CSMD1: variants seen among roughly 807,000 people sequenced by gnomAD.
The protein encoded by CSMD1 is CUB and sushi domain-containing protein 1.
A neutral mutation model predicts 417.5 loss-of-function variants in CSMD1; 213 were observed. The observed-to-expected ratio is 0.51, with a 90% CI of 0.46 to 0.57. The LOEUF (loss-of-function observed/expected upper bound fraction) is 0.57. CSMD1 is among the 20% of genes least tolerant of loss of function. The pLI, the probability that CSMD1 is intolerant of heterozygous loss-of-function variation, is 0.00. For synonymous variants in CSMD1, 2,862 were observed against 1,736.8 expected, an observed-to-expected ratio of 1.65 and a Z score of -16.11; for missense variants, 6,923 against 4,529.7, an observed-to-expected ratio of 1.53 and a Z score of -15.17.
At chr8:3,337,673 G>C (rs1315077824) in intron 23 of CSMD1, among the ~76,000 whole-genome samples, 1 of 152,136 alleles carries the variant, frequency 6.6e-6, no homozygotes, top group Non-Finnish European at 1.5e-5. Context: ...ATGATTCAAA[G>C]ACCAGTCTTG....
At chr8:4,214,865 C>A (rs142327421) in intron 3 of CSMD1, among the ~76,000 whole-genome samples, 1 of 151,400 alleles carries the variant, frequency 6.6e-6, no homozygotes, top group African/African-American at 2.4e-5. Context: ...GTTTAGATAG[C>A]GTTTTTTTAA....
At chr8:3,748,050 T>C (rs759686471) in intron 6 of CSMD1, among the ~76,000 whole-genome samples, 2 of 152,146 alleles carry the variant, frequency 1.3e-5, no homozygotes, top group South Asian at 2.1e-4. Context: ...GAAGGGGTAC[T>C]GGCTAATCGT....
At chr8:3,363,248 C>A (rs1039888530) in intron 20 of CSMD1, among the ~76,000 whole-genome samples, 11 of 152,182 alleles carry the variant, frequency 7.2e-5, no homozygotes, top group African/African-American at 2.4e-4. Flanking sequence ...GTACTCTCCT[C>A]TGTCCCAGGT....
chr8:4,323,359 T>C (rs190861342), intron 3 of CSMD1, among the ~76,000 whole-genome samples: 83 of 152,302 alleles, frequency 5.4e-4, no homozygotes, highest in African/African-American at 1.9e-3. Context: ...AAATATAAAC[T>C]TATGTTCTTT....
In CSMD1 at chr8:3,111,805, A is replaced by G. The variant is rs140637287; in HGVS notation, c.6431-1470T>C. Among the ~76,000 whole-genome samples, 817 of 152,146 alleles carry G rather than the reference A, an allele frequency of 5.4e-3. 7 individuals carry two copies. The highest frequency in any genetic ancestry group is 0.019 in the African/African-American group (799 of 41,518). ...CGAGATTGTGCCATTGCACTCCAGCATGGGTGACAGAGTCTCTGTCTCTAA... is the reference window on the plus strand; with the variant it reads ...CGAGATTGTGCCATTGCACTCCAGCGTGGGTGACAGAGTCTCTGTCTCTAA... On this transcript the variant is annotated intron_variant, in intron 42 of 69. Transcript: ENST00000635120.
chr8:3,615,057 C>T (rs116168758), intron 8 of CSMD1, among the ~76,000 whole-genome samples: 3,042 of 152,236 alleles, frequency 0.02, 92 homozygotes, highest in African/African-American at 0.069. Flanking sequence ...AGATAAAATT[C>T]CTGAATGACT....
At chr8:4,191,176 C>A (rs1027451142) in intron 3 of CSMD1, among the ~76,000 whole-genome samples, 3 of 152,126 alleles carry the variant, frequency 2.0e-5, no homozygotes, top group African/African-American at 7.2e-5. Flanking sequence ...GCAGGTGGAT[C>A]ACGACGTCAG....
At position 3,677,825 on chromosome 8, in the gene CSMD1, A is replaced by G. The variant is rs879916100; in HGVS notation, c.1009+30589T>C. Among the ~76,000 whole-genome samples the G allele has an allele frequency of 1.9e-4, 29 of 152,192 alleles. 1 individual carries two copies. Among genetic ancestry groups the G allele is most frequent in the Admixed American group, 1.8e-3 (28 of 15,266 alleles). On this transcript the variant is annotated intron_variant, in intron 7 of 69. Coordinates refer to ENST00000635120, the MANE Select transcript of CSMD1 (RefSeq NM_033225.6). ...ACCAGTAGATGACATAAAACTGCAT[A>G]TTTCAATAACATTCTTTAACTCTAA...
chr8:4,365,130 G>A (rs1229215922), intron 3 of CSMD1, among the ~76,000 whole-genome samples: 6 of 152,132 alleles, frequency 3.9e-5, no homozygotes, highest in African/African-American at 1.4e-4. Flanking sequence ...GACATATAGT[G>A]AACTAATATA....
chr8:2,973,374 A>G (rs952093368), intron 56 of CSMD1, 75 bp from the exon 57 acceptor site: 26 of 1,422,830 alleles, frequency 1.8e-5, no homozygotes, highest in Non-Finnish European at 2.5e-5. Flanking sequence ...ACACTTAAAG[A>G]TAATGAAAAG....
chr8:3,092,330 A>G (rs1406951541), intron 47 of CSMD1, among the ~76,000 whole-genome samples: 3 of 152,224 alleles, frequency 2.0e-5, no homozygotes, highest in African/African-American at 2.4e-5. Context: ...ATATATATTT[A>G]GAGATAAATA....
Position 3,720,902 on chromosome 8 carries a change from G to A in CSMD1, c.932-12411C>T, listed in dbSNP as rs532963601. Among the ~76,000 whole-genome samples, 27 of 151,952 alleles carry A rather than the reference G, an allele frequency of 1.8e-4. 1 individual carries two copies. Among genetic ancestry groups the A allele is most frequent in the South Asian group, 4.2e-4 (2 of 4,816 alleles). On this transcript the variant is annotated intron_variant, in intron 6 of 69. Transcript: ENST00000635120. ...TCTCGGCTCACTGCATGCAACCTCC[G>A]CTTCCCGGGTTCAAGTGTTTCTCCT...
intron 33 of CSMD1, among the ~76,000 whole-genome samples, chr8:3,195,822 T>A (rs1796674942): frequency 6.6e-6 from 1 of 152,186 alleles, no homozygotes; most frequent in African/African-American, 2.4e-5. Flanking sequence ...AAGAATTGTG[T>A]ATCTCCCACG....
intron 3 of CSMD1, among the ~76,000 whole-genome samples, chr8:4,233,687 T>C (rs1322964327): frequency 1.3e-5 from 2 of 152,130 alleles, no homozygotes. Context: ...CTATCCAATG[T>C]ATGGAATTTT....
Position 3,108,765 on chromosome 8 carries a change from GAGGTGGCTGGCTA to G in CSMD1, c.6609-30_6609-18del. 1 of 1,599,988 alleles carries G rather than the reference GAGGTGGCTGGCTA, an allele frequency of 6.3e-7. No homozygotes were observed. Among genetic ancestry groups the G allele is most frequent in the Non-Finnish European group, 8.5e-7 (1 of 1,172,338 alleles). On this transcript the variant is annotated intron_variant, in intron 43 of 69. Transcript: ENST00000635120. The stretch of plus-strand genomic sequence containing the variant: ...GGACCGTCCCTAGGAAAGACAGAAA[GAGGTGGCTGGCTA>G]AGGATATTTACTTCTGAGTGAGATT...
In CSMD1 at chr8:4,535,394, T is replaced by C. The variant is rs574272938; in HGVS notation, c.302+101948A>G. 1.6e-4 allele frequency among the ~76,000 whole-genome samples: 25 copies of C among 152,338 alleles called. No homozygotes were observed. The South Asian group carries it at 5.0e-3, about 30-fold the overall frequency. On this transcript the variant is annotated intron_variant, in intron 2 of 69. Coordinates refer to ENST00000635120, the MANE Select transcript of CSMD1 (RefSeq NM_033225.6). ...AATAACAAGTTACTTTTGTAGCGTCTTCCAAGGATGAACAATAGAATTCAT... is the reference window on the plus strand; with the variant it reads ...AATAACAAGTTACTTTTGTAGCGTCCTCCAAGGATGAACAATAGAATTCAT...
At chr8:4,700,151 C>A (rs1273176338) in intron 1 of CSMD1, among the ~76,000 whole-genome samples, 1 of 151,954 alleles carries the variant, frequency 6.6e-6, no homozygotes, top group Non-Finnish European at 1.5e-5. Flanking sequence ...TTTAACTGAC[C>A]TTTCAAGACC....
chr8:4,074,353 G>T (rs141150450), intron 3 of CSMD1, among the ~76,000 whole-genome samples: 2 of 152,024 alleles, frequency 1.3e-5, no homozygotes, highest in African/African-American at 4.8e-5. Flanking sequence ...GTAAAATGTA[G>T]TATTTAGTCC....
At chr8:4,398,855 C>T (rs911391705) in intron 3 of CSMD1, among the ~76,000 whole-genome samples, 1 of 152,098 alleles carries the variant, frequency 6.6e-6, no homozygotes, top group African/African-American at 2.4e-5. Context: ...CTAATTGAAA[C>T]TTTTAAACCA....
Sources: allele counts gnomAD v4.1 joint callset (sites outside exome capture counted in the v4.1 genomes callset), GRCh38; gene constraint gnomAD v4.1.1; transcripts MANE v1.5; gene names NCBI Gene and HGNC (gene_info 2026-07-23, HGNC 2026-07-21).